Variants in KCNH8 observed in about 807,000 individuals in gnomAD.
KCNH8 encodes voltage-gated delayed rectifier potassium channel KCNH8.
In KCNH8, 70 loss-of-function variants were observed where a neutral mutation model predicts 103.6. The observed-to-expected ratio is 0.68, with a 90% confidence interval of 0.56 to 0.82. The LOEUF is 0.82. KCNH8 is among the 40% of genes least tolerant of loss of function. KCNH8 has a pLI of 0.00. For synonymous variants in KCNH8, 498 were observed against 489.4 expected (o/e 1.02, Z -0.23); for missense variants, 1,217 against 1,329.9 (o/e 0.92, Z 1.32).
intron 7 of KCNH8, among the ~76,000 whole-genome samples, chr3:19,413,905 A>C (rs1222103145): frequency 6.6e-6 from 1 of 152,136 alleles, no homozygotes; most frequent in Admixed American, 6.6e-5. Context: ...TGACATTTTA[A>C]TCATCAGTAA....
At chr3:19,234,086 C>G (rs1328697679) in intron 1 of KCNH8, among the ~76,000 whole-genome samples, 1 of 152,184 alleles carries the variant, frequency 6.6e-6, no homozygotes, top group Non-Finnish European at 1.5e-5. Context: ...TCTTATCTGG[C>G]CCCACTCACA....
At chr3:19,515,507 T>A in intron 14 of KCNH8, 79 bp downstream of exon 14, 1 of 638,632 alleles carries the variant, frequency 1.6e-6, no homozygotes, top group Non-Finnish European at 2.4e-6. Context: ...CATTTTTTTT[T>A]TTTTGCTTTC....
intron 5 of KCNH8, among the ~76,000 whole-genome samples, chr3:19,375,842 C>T (rs939689807): frequency 1.3e-5 from 2 of 152,148 alleles, no homozygotes; most frequent in Non-Finnish European, 2.9e-5. Flanking sequence ...CCCTCAGCTG[C>T]AGGTCTGTTG....
At chr3:19,479,715 G>A (rs1295465951) in intron 11 of KCNH8, among the ~76,000 whole-genome samples, 3 of 152,158 alleles carry the variant, frequency 2.0e-5, no homozygotes, top group Non-Finnish European at 4.4e-5. Context: ...TCTATTATAT[G>A]ATACTTATTA....
At chr3:19,271,831 T>A (rs986524581) in intron 2 of KCNH8, among the ~76,000 whole-genome samples, 4 of 152,184 alleles carry the variant, frequency 2.6e-5, no homozygotes, top group African/African-American at 9.6e-5. Flanking sequence ...CAACGCCATC[T>A]AAATCCTGCA....
chr3:19,322,827 T>C (rs865854311), intron 3 of KCNH8, among the ~76,000 whole-genome samples: 1 of 152,168 alleles, frequency 6.6e-6, no homozygotes, highest in African/African-American at 2.4e-5. Flanking sequence ...GAACACCAAT[T>C]ATTCTTAGGT....
chr3:19,498,437 T>A (rs1575143296), intron 11 of KCNH8, among the ~76,000 whole-genome samples: 1 of 152,332 alleles, frequency 6.6e-6, no homozygotes, highest in East Asian at 1.9e-4. Context: ...AAGGCAGGCA[T>A]GGTGGTAATG....
At chr3:19,490,335 C>G (rs1020537787) in intron 11 of KCNH8, among the ~76,000 whole-genome samples, 1 of 152,186 alleles carries the variant, frequency 6.6e-6, no homozygotes, top group South Asian at 2.1e-4. Context: ...CTCCAAAAAC[C>G]GAGCTCCCCG....
chr3:19,501,221 A>C (rs1449506973), intron 11 of KCNH8, among the ~76,000 whole-genome samples: 9 of 152,228 alleles, frequency 5.9e-5, no homozygotes, highest in Non-Finnish European at 1.0e-4. Context: ...CCCAAGACTA[A>C]ACCAGGAAGA....
At chr3:19,239,638 CTATCTA>C (rs2064110603) in intron 1 of KCNH8, among the ~76,000 whole-genome samples, 2 of 71,972 alleles carry the variant, frequency 2.8e-5, no homozygotes, top group South Asian at 9.3e-4. Flanking sequence ...ATGATGGAAT[CTATCTA>C]TCTATCTATC....
At chr3:19,238,629 AC>A (rs1186391775) in intron 1 of KCNH8, among the ~76,000 whole-genome samples, 1 of 152,244 alleles carries the variant, frequency 6.6e-6, no homozygotes, top group Admixed American at 6.5e-5. Context: ...AGGCAAAAGA[AC>A]CAATTACTTG....
At chr3:19,529,589 T>C (rs535751567) in intron 15 of KCNH8, among the ~76,000 whole-genome samples, 177 of 152,288 alleles carry the variant, frequency 1.2e-3, no homozygotes, top group African/African-American at 4.1e-3. Context: ...GTCCTTCCTG[T>C]TTTAGAATAA....
intron 8 of KCNH8, among the ~76,000 whole-genome samples, chr3:19,449,295 T>C (rs1028731088): frequency 7.9e-6 from 1 of 125,820 alleles, no homozygotes; most frequent in South Asian, 2.4e-4. Context: ...GAGTCCCATA[T>C]ATATATATAT....
chr3:19,198,925 A>G (rs1009637424), intron 1 of KCNH8, among the ~76,000 whole-genome samples: 17 of 152,046 alleles, frequency 1.1e-4, no homozygotes, highest in African/African-American at 3.4e-4. Context: ...GAGGGGTTTC[A>G]AACAAGGCCA....
At chr3:19,258,947 C>CTATATATATATATATA (rs71055060) in intron 2 of KCNH8, among the ~76,000 whole-genome samples, 38 of 24,794 alleles carry the variant, frequency 1.5e-3, no homozygotes, top group Non-Finnish European at 2.5e-3. Flanking sequence ...CTCTCTCTCT[C>CTATATATATATATATA]TATATATATA....
chr3:19,382,709 A>G (rs950530127), intron 5 of KCNH8, among the ~76,000 whole-genome samples: 1 of 152,138 alleles, frequency 6.6e-6, no homozygotes, highest in Non-Finnish European at 1.5e-5. Flanking sequence ...CTACCCAGTG[A>G]TCCACAACCT....
intron 2 of KCNH8, among the ~76,000 whole-genome samples, chr3:19,275,098 A>G (rs898864791): frequency 2.0e-5 from 3 of 151,476 alleles, no homozygotes; most frequent in Non-Finnish European, 4.4e-5. Context: ...TGGAGTTGAC[A>G]GAATCCTACT....
chr3:19,359,161 A>G (rs1203761942), intron 5 of KCNH8, among the ~76,000 whole-genome samples: 1 of 151,950 alleles, frequency 6.6e-6, no homozygotes, highest in Non-Finnish European at 1.5e-5. Context: ...ATACAAAATT[A>G]CTAGAGGAAT....
chr3:19,250,461 A>G (rs1170669416), intron 1 of KCNH8, among the ~76,000 whole-genome samples: 1 of 152,224 alleles, frequency 6.6e-6, no homozygotes, highest in Non-Finnish European at 1.5e-5. Context: ...CCCTGAAAGT[A>G]GGAATATGGG....
Sources: allele counts gnomAD v4.1 joint callset (sites outside exome capture counted in the v4.1 genomes callset), GRCh38; gene constraint gnomAD v4.1.1; transcripts MANE v1.5; gene names NCBI Gene and HGNC (gene_info 2026-07-23, HGNC 2026-07-21).